Variants in MGAT4C observed in about 807,000 individuals in gnomAD.
The protein encoded by MGAT4C is alpha-1,3-mannosyl-glycoprotein 4-beta-N-acetylglucosaminyltransferase C.
A neutral mutation model predicts 40.1 loss-of-function variants in MGAT4C; 19 were observed. That is an observed-to-expected ratio of 0.47 (90% CI 0.33 to 0.70). The LOEUF (loss-of-function observed/expected upper bound fraction) is 0.70. Among genes scored for constraint, MGAT4C ranks in the 30% least tolerant of loss-of-function variants. The probability of loss-of-function intolerance (pLI) is 0.02; values close to 1 mark genes in which losing one functional copy is unlikely to be tolerated. For synonymous variants in MGAT4C, 181 were observed against 187.1 expected (o/e 0.97, Z 0.27); for missense variants, 491 against 563.2 (o/e 0.87, Z 1.30).
At chr12:86,557,184 G>C (rs1201395084) in intron 2 of MGAT4C, among the ~76,000 whole-genome samples, 2 of 152,016 alleles carry the variant, frequency 1.3e-5, no homozygotes, top group East Asian at 3.8e-4. Context: ...TAAAAATTTG[G>C]AAGTTAGAGT....
chr12:86,537,862 G>A (rs1255065166), intron 2 of MGAT4C, among the ~76,000 whole-genome samples: 1 of 152,144 alleles, frequency 6.6e-6, no homozygotes, highest in Admixed American at 6.5e-5. Context: ...CAAGGTGGGT[G>A]GATCACCTCA....
At chr12:86,441,741 A>C (rs2136278842) in intron 2 of MGAT4C, among the ~76,000 whole-genome samples, 1 of 152,088 alleles carries the variant, frequency 6.6e-6, no homozygotes, top group African/African-American at 2.4e-5. Context: ...TAATCTAGGC[A>C]ATCATTAATG....
intron 1 of MGAT4C, among the ~76,000 whole-genome samples, chr12:86,759,510 A>G (rs2136150259): frequency 6.6e-6 from 1 of 152,288 alleles, no homozygotes. Flanking sequence ...CAAGAAGTAC[A>G]TAAAGTTCCC....
chr12:86,612,094 T>A (rs1175340592), intron 2 of MGAT4C, among the ~76,000 whole-genome samples: 1 of 152,174 alleles, frequency 6.6e-6, no homozygotes, highest in East Asian at 1.9e-4. Flanking sequence ...TCCTGGGACC[T>A]CTACCTATTT....
At chr12:86,298,867 G>A (rs1275447304) in intron 4 of MGAT4C, among the ~76,000 whole-genome samples, 1 of 151,624 alleles carries the variant, frequency 6.6e-6, no homozygotes, top group Non-Finnish European at 1.5e-5. Flanking sequence ...CTCAATAAGT[G>A]GTTATTAAGA....
chr12:86,208,236 C>G (rs750603694), intron 1 of MGAT4C, among the ~76,000 whole-genome samples: 4 of 152,142 alleles, frequency 2.6e-5, no homozygotes, highest in Non-Finnish European at 5.9e-5. Flanking sequence ...GAGGCCGAGG[C>G]GGGCAGATCA....
chr12:86,288,710 CT>C (rs56775710), intron 4 of MGAT4C, among the ~76,000 whole-genome samples: 1 of 151,964 alleles, frequency 6.6e-6, no homozygotes, highest in Non-Finnish European at 1.5e-5. Flanking sequence ...ACATGTAAGT[CT>C]TTTTTTGGAA....
intron 1 of MGAT4C, among the ~76,000 whole-genome samples, chr12:86,226,826 A>G (rs1371900012): frequency 6.6e-6 from 1 of 151,958 alleles, no homozygotes; most frequent in African/African-American, 2.4e-5. Context: ...TATAATGTCC[A>G]TATCAGAATA....
intron 4 of MGAT4C, among the ~76,000 whole-genome samples, chr12:86,286,426 G>A (rs996398917): frequency 1.3e-5 from 2 of 152,088 alleles, no homozygotes; most frequent in Non-Finnish European, 2.9e-5. Context: ...AAGAGAAATT[G>A]CTATACAGAC....
chr12:86,728,094 A>T (rs922683048), intron 1 of MGAT4C, among the ~76,000 whole-genome samples: 10 of 152,224 alleles, frequency 6.6e-5, no homozygotes, highest in Admixed American at 6.5e-5. Flanking sequence ...ATAAAATCAT[A>T]TTTCCATAGA....
intron 4 of MGAT4C, among the ~76,000 whole-genome samples, chr12:86,288,197 GT>G (rs1173431178): frequency 2.0e-5 from 3 of 152,074 alleles, no homozygotes; most frequent in South Asian, 4.1e-4. Context: ...TAATGGGGTT[GT>G]TTTTTTCTTG....
intron 1 of MGAT4C, among the ~76,000 whole-genome samples, chr12:86,750,549 C>T (rs1490029652): frequency 6.6e-6 from 1 of 151,578 alleles, no homozygotes; most frequent in African/African-American, 2.4e-5. Context: ...TCAGTTTTGC[C>T]CAGAAAAAGA....
intron 4 of MGAT4C, among the ~76,000 whole-genome samples, chr12:86,296,777 T>A (rs1462978236): frequency 6.6e-6 from 1 of 152,102 alleles, no homozygotes; most frequent in African/African-American, 2.4e-5. Context: ...CGCCTCTCCC[T>A]CCACACCTCC....
chr12:86,432,846 T>C (rs976357429), intron 3 of MGAT4C, among the ~76,000 whole-genome samples: 3 of 152,150 alleles, frequency 2.0e-5, no homozygotes, highest in Non-Finnish European at 2.9e-5. Flanking sequence ...TAGAAAGCAA[T>C]GAATTTGCAT....
intron 2 of MGAT4C, among the ~76,000 whole-genome samples, chr12:86,687,718 T>A (rs957994210): frequency 5.3e-5 from 8 of 152,332 alleles, no homozygotes; most frequent in African/African-American, 1.9e-4. Flanking sequence ...TGATTTCTGT[T>A]CTTTTGCATT....
chr12:86,538,332 G>A (rs1959109166), intron 2 of MGAT4C, among the ~76,000 whole-genome samples: 1 of 152,072 alleles, frequency 6.6e-6, no homozygotes, highest in African/African-American at 2.4e-5. Flanking sequence ...CAAGTTGGCA[G>A]GGATCCAAGG....
chr12:86,180,854 T>A (rs1469218729), intron 1 of MGAT4C, among the ~76,000 whole-genome samples: 2 of 152,152 alleles, frequency 1.3e-5, no homozygotes, highest in Non-Finnish European at 2.9e-5. Context: ...TGGGTTAATG[T>A]TGAAATGAGT....
intron 3 of MGAT4C, among the ~76,000 whole-genome samples, 176 bp from the exon 4 acceptor site, chr12:85,983,846 C>G (rs1333442836): frequency 1.3e-5 from 2 of 152,140 alleles, no homozygotes; most frequent in Non-Finnish European, 2.9e-5. Context: ...TCATTTTTTA[C>G]CTGGAGGTTC....
rs1405122310 is a variant in MGAT4C at position 86,070,655 on chromosome 12, A to G, written c.-56-20932T>C. Among the ~76,000 whole-genome samples, 4 of 152,010 alleles carry G rather than the reference A, an allele frequency of 2.6e-5. No individual in the cohort carries two copies. The East Asian group carries it at 5.8e-4, about 22-fold the overall frequency. On this transcript the variant is annotated intron_variant, in intron 1 of 4. Coordinates refer to ENST00000611864, the MANE Select transcript of MGAT4C (RefSeq NM_001351288.2). ...TAATGAGCTGGGATTTCAAAGTTCT[A>G]TCTATCTCTAAAGATATTTCTAGAA...
Sources: allele counts gnomAD v4.1 joint callset (sites outside exome capture counted in the v4.1 genomes callset), GRCh38; gene constraint gnomAD v4.1.1; transcripts MANE v1.5; gene names NCBI Gene and HGNC (gene_info 2026-07-23, HGNC 2026-07-21).